Variants in FOXF2 observed in about 807,000 individuals in gnomAD.
FOXF2 encodes the protein forkhead box protein F2.
FOXF2 carries 15 observed loss-of-function variants against 29.1 expected under a neutral mutation model. That is an observed-to-expected ratio of 0.52 (90% CI 0.35 to 0.79). The LOEUF (loss-of-function observed/expected upper bound fraction) is 0.79, where lower values mean the gene tolerates loss of function less well. FOXF2 is among the 30% of genes least tolerant of loss of function. The pLI is 0.01. For missense variants in FOXF2, 675 were observed against 667.1 expected, an observed-to-expected ratio of 1.01 and a Z score of -0.13; for synonymous variants, 337 against 316.5, an observed-to-expected ratio of 1.06 and a Z score of -0.69.
intron 1 of FOXF2, among the ~76,000 whole-genome samples, chr6:1,392,354 A>G (rs1758805266): frequency 6.6e-6 from 1 of 151,710 alleles, no homozygotes; most frequent in African/African-American, 2.4e-5. Flanking sequence ...GTCTTGTTCA[A>G]TTTTATGGGA....
chr6:1,395,103 C>T lies in FOXF2; in HGVS notation c.*244C>T. On this transcript the variant is annotated 3_prime_UTR_variant, in exon 2 of 2. Coordinates refer to ENST00000645481, the MANE Select transcript of FOXF2 (RefSeq NM_001452.2). ...GCAGGCTCCCACATGAGGGAGAGGG[C>T]AGACTCAGGTGGGAAGATGTGCCAT... The T allele has an allele frequency of 1.8e-6, 1 of 556,960 alleles. No individual in the cohort carries two copies. The highest frequency in any genetic ancestry group is 1.9e-5 in the African/African-American group (1 of 53,198). The allele number at this position is 556,960 out of a possible 1,614,324, so 34.5% of individuals were successfully genotyped here. A position where few individuals can be genotyped will look rare whatever the true frequency, so the allele number is the denominator to read the frequency against.
At chr6:1,393,069 C>A (rs541011282) in intron 1 of FOXF2, among the ~76,000 whole-genome samples, 22 of 152,320 alleles carry the variant, frequency 1.4e-4, no homozygotes, top group South Asian at 1.2e-3. Context: ...GGGAGCGCGC[C>A]GCCCACTGAG....
In FOXF2 at chr6:1,392,434, T is replaced by TCACACACACACACA. The variant is rs71738664; in HGVS notation, c.1171+1346_1171+1359dup. Among the ~76,000 whole-genome samples, 358 of 107,724 alleles carry TCACACACACACACA rather than the reference T, an allele frequency of 3.3e-3. 1 individual carries two copies. Among genetic ancestry groups the TCACACACACACACA allele is most frequent in the African/African-American group, 9.0e-3 (266 of 29,454 alleles). 70.7% of individuals were successfully genotyped at this position (107,724 alleles called of 152,430 possible). A position where few individuals can be genotyped will look rare whatever the true frequency, so the allele number is the denominator to read the frequency against. On this transcript the variant is annotated intron_variant, in intron 1 of 1. Coordinates refer to ENST00000645481, the MANE Select transcript of FOXF2 (RefSeq NM_001452.2). ...TGTATTCCCTTGGACCGGCTGTCAATCACACACACACACACACACACACAC... is the reference window on the plus strand; with the variant it reads ...TGTATTCCCTTGGACCGGCTGTCAATCACACACACACACACACACACACACACACACACACACAC...
rs1758737217 is a variant in FOXF2, at chr6:1,389,937, C to T, written c.-11C>T. 5.1e-6 allele frequency: 5 copies of T among 977,130 alleles called. No homozygotes were observed. Among genetic ancestry groups the T allele is most frequent in the Non-Finnish European group, 6.1e-6 (5 of 824,018 alleles). The allele number at this position is 977,130 out of a possible 1,614,324, so 60.5% of individuals were successfully genotyped here. A position where few individuals can be genotyped will look rare whatever the true frequency, so the allele number is the denominator to read the frequency against. On this transcript the variant is annotated 5_prime_UTR_variant, in exon 1 of 2. Transcript: ENST00000645481. ...CCGCCCTCGCGGCCCGGCCTCGCTC[C>T]CGGGTCCCAGATGACCACCGAGGGC...
chr6:1,390,844 G>A lies in FOXF2; in HGVS notation c.897G>A (p.Ala299=). The change falls in exon 1 of 2, where the codon GCG becomes GCA. Residue 299 remains alanine (A), a synonymous_variant. Coordinates refer to ENST00000645481, the MANE Select transcript of FOXF2 (RefSeq NM_001452.2). This position sits in a 1 kb window ranked among gnomAD's most constrained non-coding sequence, Gnocchi z 8.5. ...CCGCGGGACCCGGGGGCGTCGGTGC[G>A]GCCGGGGGCGGCGGCGGCGGCGACT... The part of the protein sequence containing the change: ...PVPAGPGGVG[A]AGGGGGGDYG... The A allele has an allele frequency of 7.3e-7, 1 of 1,376,574 alleles. No homozygotes were observed. The highest frequency in any genetic ancestry group is 1.6e-5 in the South Asian group (1 of 60,924). 85.3% of individuals were successfully genotyped at this position (1,376,574 alleles called of 1,614,324 possible). A position where few individuals can be genotyped will look rare whatever the true frequency, so the allele number is the denominator to read the frequency against.
chr6:1,390,737 C>A lies in FOXF2; in HGVS notation c.790C>A (p.His264Asn). ...CGGCGCGGGCGCCCCCAGCCACGCG[C>A]ACCCTCACCACCACCACCACCACCA... ...DAGAGAPSHA[H>N]PHHHHHHHVP... is the part of the protein sequence containing the mutation. The change falls in exon 1 of 2, where the codon CAC (histidine) becomes AAC (asparagine). Residue 264 changes from histidine to asparagine, a missense_variant. Physicochemically the swap from His to Asn is moderately conservative, Grantham distance 68 (BLOSUM62 1). This residue lies in a region of FOXF2 where 451 missense variants were observed against 437.2 expected (regional missense o/e 1.03). Transcript: ENST00000645481. This position sits in a 1 kb window ranked among gnomAD's most constrained non-coding sequence, Gnocchi z 8.5. The A allele has an allele frequency of 7.0e-7, 1 of 1,421,820 alleles. No homozygotes were observed. The highest frequency in any genetic ancestry group is 9.1e-7 in the Non-Finnish European group (1 of 1,100,316). The allele number at this position is 1,421,820 out of a possible 1,614,324, so 88.1% of individuals were successfully genotyped here.
chr6:1,392,433 A>ATCACTCAC (rs200959948), intron 1 of FOXF2, among the ~76,000 whole-genome samples: 4 of 86,248 alleles, frequency 4.6e-5, no homozygotes, highest in Admixed American at 2.1e-4. Context: ...CCGGCTGTCA[A>ATCACTCAC]TCACACACAC....
intron 1 of FOXF2, among the ~76,000 whole-genome samples, chr6:1,391,929 G>A (rs1758796243): frequency 6.6e-6 from 1 of 152,224 alleles, no homozygotes; most frequent in Non-Finnish European, 1.5e-5. Context: ...AGGTGGGAGG[G>A]GACGGTAGGG....
intron 1 of FOXF2, 35 bp downstream of exon 1, chr6:1,391,153 G>T: frequency 1.3e-6 from 2 of 1,596,516 alleles, no homozygotes; most frequent in Non-Finnish European, 8.5e-7. Context: ...CCAGCTGGGC[G>T]CACCGCTTCT....
chr6:1,393,871 CA>C (rs1758847266), intron 1 of FOXF2, among the ~76,000 whole-genome samples: 1 of 152,206 alleles, frequency 6.6e-6, no homozygotes, highest in African/African-American at 2.4e-5. Flanking sequence ...AAAGCAAAAG[CA>C]AAAGCCGGCG....
intron 1 of FOXF2, among the ~76,000 whole-genome samples, chr6:1,393,319 A>C (rs571479943): frequency 4.0e-5 from 6 of 151,896 alleles, no homozygotes; most frequent in African/African-American, 1.5e-4. Flanking sequence ...GGCTTCTGTC[A>C]TCCCGCTCAG....
Position 1,390,859 on chromosome 6 carries a change from C to A in FOXF2, c.912C>A (p.Gly304=). Reference sequence around the variant, plus strand: ...GCGTCGGTGCGGCCGGGGGCGGCGGCGGCGGCGACTACGGGCCGGACAGCA... The same window carrying A: ...GCGTCGGTGCGGCCGGGGGCGGCGGAGGCGGCGACTACGGGCCGGACAGCA... ...PGGVGAAGGG[G]GGDYGPDSSS... is the part of the protein sequence containing the mutation. Residue 304 remains glycine (G), a synonymous_variant, in exon 1 of 2, where the codon GGC becomes GGA. Transcript: ENST00000645481. This position sits in a 1 kb window ranked among gnomAD's most constrained non-coding sequence, Gnocchi z 8.5. 6.9e-7 allele frequency: 1 copy of A among 1,444,642 alleles called. No individual in the cohort carries two copies. The highest frequency in any genetic ancestry group is 9.0e-7 in the Non-Finnish European group (1 of 1,109,288). 89.5% of individuals were successfully genotyped at this position (1,444,642 alleles called of 1,614,324 possible).
chr6:1,392,938 G>T (rs1200095202), intron 1 of FOXF2, among the ~76,000 whole-genome samples: 2 of 152,108 alleles, frequency 1.3e-5, no homozygotes, highest in East Asian at 1.9e-4. Flanking sequence ...TTCCTTCCTC[G>T]CTGTCTTGCT....
intron 1 of FOXF2, among the ~76,000 whole-genome samples, chr6:1,392,380 C>A (rs990021931): frequency 2.7e-5 from 4 of 150,368 alleles, no homozygotes; most frequent in Admixed American, 6.6e-5. Context: ...AACAAGTAAC[C>A]AATACAGGCG....
At chr6:1,393,181 C>G (rs950417229) in intron 1 of FOXF2, among the ~76,000 whole-genome samples, 1 of 151,966 alleles carries the variant, frequency 6.6e-6, no homozygotes, top group Non-Finnish European at 1.5e-5. Flanking sequence ...CCTCCCTCCC[C>G]CAGCACACCC....
rs1758777463 is a variant in FOXF2, at chr6:1,391,011, T to A, written c.1064T>A (p.Leu355Gln). 6.3e-7 allele frequency: 1 copy of A among 1,597,830 alleles called. No individual in the cohort carries two copies. Among genetic ancestry groups the A allele is most frequent in the African/African-American group, 1.3e-5 (1 of 74,850 alleles). ...ASPYLKQPPA[L>Q]TPSSNPAASA... The stretch of plus-strand genomic sequence containing the variant: ...CCTTACCTCAAGCAGCCGCCTGCCC[T>A]GACGCCCAGCAGCAACCCCGCCGCC... Residue 355 changes from leucine (L) to glutamine (Q), a missense_variant, in exon 1 of 2, where the codon CTG becomes CAG. By Grantham distance (113) the Leu-to-Gln change is moderately radical. This residue lies in a region of FOXF2 where 451 missense variants were observed against 437.2 expected (regional missense o/e 1.03). Transcript: ENST00000645481.
In FOXF2 at chr6:1,390,070, C is replaced by CGCCGCCG; in HGVS notation, c.123_124insGCCGCCG (p.Pro42AlafsTer124). 5.7e-6 allele frequency: 8 copies of CGCCGCCG among 1,397,780 alleles called. No homozygotes were observed. The highest frequency in any genetic ancestry group is 7.5e-6 in the Non-Finnish European group (8 of 1,066,748). The allele number at this position is 1,397,780 out of a possible 1,614,324, so 86.6% of individuals were successfully genotyped here. A position where few individuals can be genotyped will look rare whatever the true frequency, so the allele number is the denominator to read the frequency against. On this transcript the variant is annotated frameshift_variant, in exon 1 of 2. Coordinates refer to ENST00000645481, the MANE Select transcript of FOXF2 (RefSeq NM_001452.2). LOFTEE classifies it high-confidence loss of function. The surrounding 1 kb of genome is among the most constrained non-coding windows in gnomAD (Gnocchi z 8.5). ...CCGCCGCCGCCGCCGCCGCCGCCGCCCCGGAGACCACCTCCTCCTCCTCGT... is the reference window on the plus strand; with the variant it reads ...CCGCCGCCGCCGCCGCCGCCGCCGCCGCCGCCGCCGGAGACCACCTCCTCCTCCTCGT...
At position 1,394,844 on chromosome 6, in the gene FOXF2, G is replaced by A; in HGVS notation, c.1320G>A (p.Lys440=). 6.2e-7 allele frequency: 1 copy of A among 1,614,174 alleles called. No individual in the cohort carries two copies. Among genetic ancestry groups the A allele is most frequent in the Non-Finnish European group, 8.5e-7 (1 of 1,180,032 alleles). ...ACCAGAGCGTCTGTCAGGATATTAAGCCCTGCGTCATGTGAACGGAAAGAG... is the reference window on the plus strand; with the variant it reads ...ACCAGAGCGTCTGTCAGGATATTAAACCCTGCGTCATGTGAACGGAAAGAG... ...HHHQSVCQDI[K]PCVM Residue 440 remains lysine, a synonymous_variant, in exon 2 of 2, where the codon AAG becomes AAA. Transcript: ENST00000645481.
At position 1,394,940 on chromosome 6, in the gene FOXF2, C is replaced by T. The variant is rs1758874040; in HGVS notation, c.*81C>T. ...GATAGAAACTGGGACGGATTCAAGT[C>T]ACATGCACGCGGATAGCAGTAAGCC... On this transcript the variant is annotated 3_prime_UTR_variant, in exon 2 of 2. Transcript: ENST00000645481. 1.4e-6 allele frequency: 2 copies of T among 1,416,126 alleles called. No individual in the cohort carries two copies. Among genetic ancestry groups the T allele is most frequent in the Non-Finnish European group, 2.0e-6 (2 of 1,004,790 alleles). The allele number at this position is 1,416,126 out of a possible 1,614,324, so 87.7% of individuals were successfully genotyped here. A position where few individuals can be genotyped will look rare whatever the true frequency, so the allele number is the denominator to read the frequency against.
Sources: allele counts gnomAD v4.1 joint callset (sites outside exome capture counted in the v4.1 genomes callset), GRCh38; gene constraint gnomAD v4.1.1; regional missense constraint gnomAD v4.1.1; non-coding constraint Gnocchi (gnomAD v3.1); transcripts MANE v1.5; gene names NCBI Gene and HGNC (gene_info 2026-07-23, HGNC 2026-07-21).